KHDRBS2: variants seen among roughly 807,000 people sequenced by gnomAD.
KHDRBS2 encodes KH domain-containing, RNA-binding, signal transduction-associated protein 2.
Under a neutral mutation model 44.3 loss-of-function variants are expected in KHDRBS2, and 26 were observed. The observed-to-expected ratio is 0.59, with a 90% confidence interval of 0.43 to 0.81. The LOEUF (loss-of-function observed/expected upper bound fraction) is 0.81. Among genes scored for constraint, KHDRBS2 ranks in the 40% least tolerant of loss-of-function variants. The probability of loss-of-function intolerance (pLI) is 0.00; values close to 1 mark genes in which losing one functional copy is unlikely to be tolerated. For missense variants in KHDRBS2, 476 were observed against 433.1 expected, an observed-to-expected ratio of 1.10 and a Z score of -0.88; for synonymous variants, 194 against 151.1, an observed-to-expected ratio of 1.28 and a Z score of -2.08.
the KHDRBS2 span, among the ~76,000 whole-genome samples, chr6:61,655,200 T>G: frequency 6.7e-6 from 1 of 150,046 alleles, no homozygotes; most frequent in Non-Finnish European, 1.5e-5. Flanking sequence ...ACTAGGTTCT[T>G]AGAACGTTTA....
chr6:61,979,516 C>G (rs1358811355), intron 3 of KHDRBS2, among the ~76,000 whole-genome samples: 1 of 152,020 alleles, frequency 6.6e-6, no homozygotes, highest in African/African-American at 2.4e-5. Context: ...ATTAGAAATG[C>G]TCATTGTTTT....
intron 1 of KHDRBS2, among the ~76,000 whole-genome samples, chr6:62,248,457 C>T (rs1835981654): frequency 6.6e-6 from 1 of 151,978 alleles, no homozygotes; most frequent in Admixed American, 6.6e-5. Context: ...CTCCTGGGTT[C>T]AAGCGATTCT....
chr6:61,709,463 T>A (rs1186400550), intron 7 of KHDRBS2, among the ~76,000 whole-genome samples: 1 of 151,616 alleles, frequency 6.6e-6, no homozygotes, highest in Non-Finnish European at 1.5e-5. Flanking sequence ...ACTTCATACC[T>A]CAAATAAGAA....
the KHDRBS2 span, among the ~76,000 whole-genome samples, chr6:61,584,074 T>C: frequency 6.6e-6 from 1 of 151,744 alleles, no homozygotes; most frequent in African/African-American, 2.4e-5. Context: ...GTCATTGCTA[T>C]ATTTAGTTAT....
intron 2 of KHDRBS2, among the ~76,000 whole-genome samples, chr6:62,144,380 A>G (rs953570484): frequency 1.3e-5 from 2 of 152,004 alleles, no homozygotes; most frequent in Non-Finnish European, 2.9e-5. Flanking sequence ...TGACTAATAT[A>G]GTTTTGAAAT....
intron 6 of KHDRBS2, among the ~76,000 whole-genome samples, chr6:61,786,658 G>A (rs550154840): frequency 5.1e-4 from 78 of 152,034 alleles, no homozygotes; most frequent in African/African-American, 1.8e-3. Flanking sequence ...CAGATTTTAC[G>A]ACCTAATAAT....
At chr6:61,917,851 A>G (rs1807305006) in intron 4 of KHDRBS2, among the ~76,000 whole-genome samples, 1 of 152,016 alleles carries the variant, frequency 6.6e-6, no homozygotes, top group Non-Finnish European at 1.5e-5. Context: ...TTTCAATAGC[A>G]TAATGTTATG....
intron 1 of KHDRBS2, among the ~76,000 whole-genome samples, chr6:62,214,908 C>G (rs976108208): frequency 6.6e-6 from 1 of 151,938 alleles, no homozygotes; most frequent in African/African-American, 2.4e-5. Context: ...TCCAACTGTA[C>G]GTTCTTCTTC....
chr6:61,582,628 G>C, the KHDRBS2 span, among the ~76,000 whole-genome samples: 3 of 151,474 alleles, frequency 2.0e-5, no homozygotes, highest in Non-Finnish European at 4.4e-5. Flanking sequence ...ATTTTATAAA[G>C]CTAGCATAAC....
At chr6:61,659,218 G>A in the KHDRBS2 span, 1 of 151,742 alleles carries the variant, frequency 6.6e-6, no homozygotes, top group Non-Finnish European at 1.5e-5. Flanking sequence ...CCCTTATTAA[G>A]CACTCAATGC....
At chr6:61,660,735 G>T in the KHDRBS2 span, among the ~76,000 whole-genome samples, 1 of 151,590 alleles carries the variant, frequency 6.6e-6, no homozygotes, top group African/African-American at 2.4e-5. Flanking sequence ...AAGATTTATT[G>T]GAAGTCCCTA....
At chr6:61,766,297 G>T (rs1463546342) in intron 6 of KHDRBS2, among the ~76,000 whole-genome samples, 1 of 151,672 alleles carries the variant, frequency 6.6e-6, no homozygotes, top group Non-Finnish European at 1.5e-5. Context: ...ATAATTCTTT[G>T]AATTTCTGCT....
chr6:61,993,675 T>TATATATATATATA (rs61137285), intron 3 of KHDRBS2, among the ~76,000 whole-genome samples: 2,227 of 74,224 alleles, frequency 0.03, 164 homozygotes, highest in Non-Finnish European at 0.046. Context: ...ATATATATAT[T>TATATATATATATA]TTTTTTTTTT....
At chr6:61,607,966 G>A in the KHDRBS2 span, among the ~76,000 whole-genome samples, 1 of 152,118 alleles carries the variant, frequency 6.6e-6, no homozygotes, top group African/African-American at 2.4e-5. Context: ...GGGATTACAG[G>A]TGTGAGACAC....
intron 4 of KHDRBS2, among the ~76,000 whole-genome samples, chr6:61,939,952 C>A (rs1017662682): frequency 6.6e-6 from 1 of 152,008 alleles, no homozygotes; most frequent in Non-Finnish European, 1.5e-5. Flanking sequence ...TAAATGTACC[C>A]TTTTTTTCTT....
rs146587484 is a variant in KHDRBS2, at chr6:62,033,825, T to G, written c.336+14053A>C. Among the ~76,000 whole-genome samples, 899 of 151,602 alleles carry G rather than the reference T, an allele frequency of 5.9e-3. 6 individuals carry two copies. Among genetic ancestry groups the G allele is most frequent in the Non-Finnish European group, 9.5e-3 (642 of 67,804 alleles). The stretch of plus-strand genomic sequence containing the variant: ...TTAAATTGAAATGAAGAAAATTATA[T>G]GAAATATCCATGAAATAAGAAGTTG... On this transcript the variant is annotated intron_variant, in intron 3 of 8. Coordinates refer to ENST00000281156, the MANE Select transcript of KHDRBS2 (RefSeq NM_152688.4).
At chr6:61,604,520 T>C in the KHDRBS2 span, among the ~76,000 whole-genome samples, 1 of 152,224 alleles carries the variant, frequency 6.6e-6, no homozygotes, top group Admixed American at 6.5e-5. Context: ...TTCTATTCTG[T>C]TGTCATTTCA....
chr6:61,710,402 A>G (rs980748083), intron 7 of KHDRBS2, among the ~76,000 whole-genome samples: 7 of 151,702 alleles, frequency 4.6e-5, no homozygotes, highest in Non-Finnish European at 7.4e-5. Context: ...AATTTTAATT[A>G]TGTATTTTCA....
chr6:61,851,265 ATATATATGTGTGTG>A (rs1410399754), intron 6 of KHDRBS2, among the ~76,000 whole-genome samples: 15 of 151,954 alleles, frequency 9.9e-5, no homozygotes, highest in Admixed American at 9.2e-4. Context: ...ATAGGTGTAT[ATATATATGTGTGTG>A]TATATGTGTG....
Sources: allele counts gnomAD v4.1 joint callset (sites outside exome capture counted in the v4.1 genomes callset), GRCh38; gene constraint gnomAD v4.1.1; transcripts MANE v1.5; gene names NCBI Gene and HGNC (gene_info 2026-07-23, HGNC 2026-07-21).